The following ANKRD44 variants were observed in gnomAD, a reference collection of about 807,000 sequenced individuals.
The protein encoded by ANKRD44 is serine/threonine-protein phosphatase 6 regulatory ankyrin repeat subunit B.
Under a neutral mutation model 116.0 loss-of-function variants are expected in ANKRD44, and 35 were observed. The ratio of observed to expected loss-of-function variants is 0.30; its 90% CI spans 0.23 to 0.40. The LOEUF (loss-of-function observed/expected upper bound fraction) is 0.40, where lower values mean the gene tolerates loss of function less well. Among genes scored for constraint, ANKRD44 ranks in the 10% least tolerant of loss-of-function variants. The pLI is 1.00. For missense variants in ANKRD44, 1,014 were observed against 1,242.6 expected (o/e 0.82, Z 2.77); for synonymous variants, 435 against 461.8 (o/e 0.94, Z 0.74).
At chr2:197,192,596 C>T (rs1019139283) in intron 1 of ANKRD44, among the ~76,000 whole-genome samples, 3 of 152,166 alleles carry the variant, frequency 2.0e-5, no homozygotes, top group Non-Finnish European at 2.9e-5. Flanking sequence ...TGAAACACTT[C>T]GTTAGGTAAC....
rs1165221641 is a variant in ANKRD44 at position 197,310,715 on chromosome 2, C to G, written c.-111G>C. On this transcript the variant is annotated 5_prime_UTR_variant, in exon 1 of 28. Coordinates refer to ENST00000282272, the MANE Select transcript of ANKRD44 (RefSeq NM_001195144.2). Reference sequence around the variant, plus strand: ...AGGAGAAGGGAAAAAATCTGGCTCCCGAATTTGACAGCCCTCCCCCTGCTC... The same window carrying G: ...AGGAGAAGGGAAAAAATCTGGCTCCGGAATTTGACAGCCCTCCCCCTGCTC... The G allele has an allele frequency of 1.8e-4, 211 of 1,157,938 alleles. No homozygotes were observed. The highest frequency in any genetic ancestry group is 2.3e-4 in the Middle Eastern group (1 of 4,384). The allele number at this position is 1,157,938 out of a possible 1,614,324, so 71.7% of individuals were successfully genotyped here. A position where few individuals can be genotyped will look rare whatever the true frequency, so the allele number is the denominator to read the frequency against.
At chr2:197,094,722 C>T (rs914605200) in intron 10 of ANKRD44, among the ~76,000 whole-genome samples, 6 of 152,168 alleles carry the variant, frequency 3.9e-5, no homozygotes, top group Non-Finnish European at 7.3e-5. Context: ...TGATGTTTTA[C>T]CCAAATGATC....
intron 1 of ANKRD44, among the ~76,000 whole-genome samples, chr2:197,273,332 AAATG>A (rs748525620): frequency 7.2e-5 from 11 of 152,262 alleles, no homozygotes; most frequent in Non-Finnish European, 1.0e-4. Flanking sequence ...ACATCAAATT[AAATG>A]AATAAGCAAT....
intron 9 of ANKRD44, among the ~76,000 whole-genome samples, chr2:197,100,394 C>G (rs899051485): frequency 1.3e-5 from 2 of 152,022 alleles, no homozygotes; most frequent in African/African-American, 4.8e-5. Context: ...AAGATCGCAC[C>G]ACTGCACTCC....
chr2:197,120,979 G>A (rs1403357998), intron 8 of ANKRD44, among the ~76,000 whole-genome samples: 1 of 147,744 alleles, frequency 6.8e-6, no homozygotes, highest in Non-Finnish European at 1.5e-5. Flanking sequence ...GCCCAGGTTA[G>A]AGTGCAGTTG....
chr2:197,069,101 T>A (rs961087852), intron 16 of ANKRD44, among the ~76,000 whole-genome samples: 1 of 152,146 alleles, frequency 6.6e-6, no homozygotes, highest in Non-Finnish European at 1.5e-5. Flanking sequence ...ACATACACCA[T>A]GGAATACTAT....
intron 9 of ANKRD44, among the ~76,000 whole-genome samples, chr2:197,109,283 G>A (rs1338360772): frequency 1.3e-5 from 2 of 152,088 alleles, no homozygotes; most frequent in Non-Finnish European, 2.9e-5. Context: ...CACTCCCCCC[G>A]ACCCCCTTTA....
Position 197,120,954 on chromosome 2 carries a change from G to A in ANKRD44, c.906+378C>T, listed in dbSNP as rs921909181. Among the ~76,000 whole-genome samples, 5 of 150,002 alleles carry A rather than the reference G, an allele frequency of 3.3e-5. No homozygotes were observed. In the East Asian group the frequency reaches 9.8e-4, roughly 29 times the overall value. ...CTTTTTTTTTTTTGTTTTTGAGACG[G>A]AGTCTTGCTCTGTTGCCCAGGTTAG... On this transcript the variant is annotated intron_variant, in intron 8 of 27. Coordinates refer to ENST00000282272, the MANE Select transcript of ANKRD44 (RefSeq NM_001195144.2).
intron 1 of ANKRD44, among the ~76,000 whole-genome samples, chr2:197,261,938 T>C (rs967187102): frequency 6.6e-6 from 1 of 152,224 alleles, no homozygotes; most frequent in African/African-American, 2.4e-5. Context: ...TCATCTCTTC[T>C]GTGTGACGGG....
intron 18 of ANKRD44, among the ~76,000 whole-genome samples, chr2:197,010,387 T>C (rs2076276864): frequency 6.6e-6 from 1 of 151,880 alleles, no homozygotes; most frequent in Admixed American, 6.5e-5. Flanking sequence ...TGGGAGCCCT[T>C]TCCTAGGCCA....
intron 8 of ANKRD44, among the ~76,000 whole-genome samples, chr2:197,115,224 G>C (rs908561363): frequency 1.3e-5 from 2 of 152,186 alleles, no homozygotes; most frequent in African/African-American, 2.4e-5. Flanking sequence ...TTCTGAGTCT[G>C]TCTTTCTAAG....
chr2:197,159,235 G>GT (rs1341015352), intron 2 of ANKRD44, among the ~76,000 whole-genome samples: 2 of 152,142 alleles, frequency 1.3e-5, no homozygotes, highest in Non-Finnish European at 2.9e-5. Flanking sequence ...TTCTTTCCAA[G>GT]TTTTTTTCAA....
intron 9 of ANKRD44, among the ~76,000 whole-genome samples, chr2:197,103,161 G>A (rs1390729704): frequency 6.7e-6 from 1 of 148,698 alleles, no homozygotes; most frequent in East Asian, 2.0e-4. Flanking sequence ...CCGGGAGGCA[G>A]AGCTTGCAGT....
Position 197,094,094 on chromosome 2 carries a change from C to T in ANKRD44, c.1101-4062G>A, listed in dbSNP as rs78675828. On this transcript the variant is annotated intron_variant, in intron 10 of 27. Transcript: ENST00000282272. Reference sequence around the variant, plus strand: ...TAGAAATGAAGAAAGAGCCTTCACACGATTAGAATTTGGGGTCTTTGAAGC... The same window carrying T: ...TAGAAATGAAGAAAGAGCCTTCACATGATTAGAATTTGGGGTCTTTGAAGC... Among the ~76,000 whole-genome samples the T allele has an allele frequency of 9.8e-3, 1,497 of 152,270 alleles. 7 individuals are homozygous for T. Among genetic ancestry groups the T allele is most frequent in the Middle Eastern group, 0.017 (5 of 294 alleles).
At chr2:197,153,902 T>C (rs1245018174) in intron 2 of ANKRD44, among the ~76,000 whole-genome samples, 6 of 151,820 alleles carry the variant, frequency 4.0e-5, no homozygotes, top group Non-Finnish European at 8.8e-5. Flanking sequence ...GGAAAGGGAT[T>C]AGGTTGTTTT....
rs996578423 is a variant in ANKRD44 at position 196,987,456 on chromosome 2, C to T, written c.*2135G>A. On this transcript the variant is annotated 3_prime_UTR_variant, in exon 28 of 28. Coordinates refer to ENST00000282272, the MANE Select transcript of ANKRD44 (RefSeq NM_001195144.2). ...AACTTCATATTACAAGACAATAAAA[C>T]GGATGAGTTCTTCAACCAACACAAC... 52 of 985,250 alleles carry T rather than the reference C, an allele frequency of 5.3e-5. No individual in the cohort carries two copies. The highest frequency in any genetic ancestry group is 4.5e-4 in the East Asian group (4 of 8,818). The allele number at this position is 985,250 out of a possible 1,614,324, so 61.0% of individuals were successfully genotyped here. A position where few individuals can be genotyped will look rare whatever the true frequency, so the allele number is the denominator to read the frequency against.
intron 1 of ANKRD44, among the ~76,000 whole-genome samples, chr2:197,200,798 C>A (rs1023550192): frequency 3.9e-5 from 6 of 152,204 alleles, no homozygotes; most frequent in Non-Finnish European, 8.8e-5. Flanking sequence ...GACCTCAGTT[C>A]TTTTGATAAT....
rs780210047 is a variant in ANKRD44, at chr2:197,009,145, G to A, written c.1925-114C>T. The stretch of plus-strand genomic sequence containing the variant: ...TCTTGCTCTGTCGCCAGGCTGGAGT[G>A]CAGTGGGGCGATGTCATCTCATTGC... On this transcript the variant is annotated intron_variant, in intron 18 of 27. Transcript: ENST00000282272. 3.4e-4 allele frequency: 254 copies of A among 755,220 alleles called. 1 individual carries two copies. Among genetic ancestry groups the A allele is most frequent in the Admixed American group, 6.7e-4 (32 of 47,644 alleles). The allele number at this position is 755,220 out of a possible 1,614,324, so 46.8% of individuals were successfully genotyped here. A position where few individuals can be genotyped will look rare whatever the true frequency, so the allele number is the denominator to read the frequency against.
intron 10 of ANKRD44, among the ~76,000 whole-genome samples, chr2:197,098,652 T>C (rs1418222192): frequency 6.6e-6 from 1 of 152,242 alleles, no homozygotes; most frequent in East Asian, 1.9e-4. Flanking sequence ...CAGGCACTGT[T>C]CAAAGAGCTT....
Sources: allele counts gnomAD v4.1 joint callset (sites outside exome capture counted in the v4.1 genomes callset), GRCh38; gene constraint gnomAD v4.1.1; transcripts MANE v1.5; gene names NCBI Gene and HGNC (gene_info 2026-07-23, HGNC 2026-07-21).